Variants in WDR64 observed in about 807,000 individuals in gnomAD.
WDR64 encodes WD repeat domain 64, also known as WD repeat-containing protein 64.
A neutral mutation model predicts 139.3 loss-of-function variants in WDR64; 112 were observed. That is an observed-to-expected ratio of 0.80 (90% CI 0.69 to 0.94). The LOEUF is 0.94. Among genes scored for constraint, WDR64 ranks in the 40% least tolerant of loss-of-function variants. WDR64 has a pLI of 0.00. For missense variants in WDR64, 1,206 were observed against 1,293.1 expected, an observed-to-expected ratio of 0.93 and a Z score of 1.03; for synonymous variants, 444 against 437.7, an observed-to-expected ratio of 1.01 and a Z score of -0.18.
At chr1:241,686,556 T>C (rs1667012208) in intron 7 of WDR64, among the ~76,000 whole-genome samples, 1 of 152,224 alleles carries the variant, frequency 6.6e-6, no homozygotes, top group Admixed American at 6.5e-5. Flanking sequence ...AGGTGTTCAA[T>C]AGATGTGAAT....
chr1:241,756,842 A>G, intron 14 of WDR64, among the ~76,000 whole-genome samples: 1 of 152,226 alleles, frequency 6.6e-6, no homozygotes, highest in Non-Finnish European at 1.5e-5. Flanking sequence ...GGGAATGGAC[A>G]AATAAATTGT....
intron 3 of WDR64, among the ~76,000 whole-genome samples, chr1:241,673,078 A>C (rs1666297207): frequency 6.6e-6 from 1 of 152,022 alleles, no homozygotes; most frequent in Admixed American, 6.6e-5. Flanking sequence ...TCAGCAAACT[A>C]TCGCAAGGAC....
chr1:241,733,833 C>T (rs1313815717), intron 10 of WDR64, among the ~76,000 whole-genome samples: 1 of 151,976 alleles, frequency 6.6e-6, no homozygotes, highest in Non-Finnish European at 1.5e-5. Flanking sequence ...CATGTTCTGC[C>T]CTTTGTTTTC....
chr1:241,772,406 C>T (rs1312031231), intron 19 of WDR64, among the ~76,000 whole-genome samples: 1 of 140,646 alleles, frequency 7.1e-6, no homozygotes, highest in Non-Finnish European at 1.5e-5. Flanking sequence ...TTTTACATTC[C>T]ATAAAAATTT....
chr1:241,705,672 C>A (rs1178325705), intron 8 of WDR64, among the ~76,000 whole-genome samples: 17 of 152,054 alleles, frequency 1.1e-4, no homozygotes, highest in African/African-American at 4.1e-4. Flanking sequence ...ATTGCACCTT[C>A]GAGTTCCTGG....
At position 241,734,799 on chromosome 1, in the gene WDR64, C is replaced by T. The variant is rs933904292; in HGVS notation, c.1195-3564C>T. ...TGCTGCATAACCACGTTTCTGTCAA[C>T]GATGGACTGCATATATGATGGTGAT... On this transcript the variant is annotated intron_variant, in intron 10 of 27. Coordinates refer to ENST00000437684, the MANE Select transcript of WDR64 (RefSeq NM_001367482.1). 1.9e-4 allele frequency among the ~76,000 whole-genome samples: 29 copies of T among 152,108 alleles called. No individual in the cohort carries two copies. In the East Asian group the frequency reaches 1.9e-3, roughly 10 times the overall value.
intron 9 of WDR64, among the ~76,000 whole-genome samples, chr1:241,713,458 G>GAAA (rs1558486427): frequency 7.3e-6 from 1 of 136,108 alleles, no homozygotes; most frequent in East Asian, 2.2e-4. Context: ...AGGAAGGAAA[G>GAAA]GAAGGAAGGA....
intron 8 of WDR64, among the ~76,000 whole-genome samples, chr1:241,706,334 T>C (rs1353773552): frequency 6.6e-6 from 1 of 152,250 alleles, no homozygotes; most frequent in East Asian, 1.9e-4. Flanking sequence ...CTAATGGGAA[T>C]TGGCCCAAGA....
intron 8 of WDR64, among the ~76,000 whole-genome samples, chr1:241,695,576 G>A (rs1574015805): frequency 6.6e-6 from 1 of 152,096 alleles, no homozygotes; most frequent in Non-Finnish European, 1.5e-5. Context: ...TAAGAAAAGG[G>A]AGTAATAAAC....
chr1:241,694,327 C>T (rs1053034193), intron 8 of WDR64, among the ~76,000 whole-genome samples: 2 of 151,858 alleles, frequency 1.3e-5, no homozygotes, highest in East Asian at 1.9e-4. Context: ...TTAGAAAGGA[C>T]GAAATGTTTA....
intron 8 of WDR64, among the ~76,000 whole-genome samples, chr1:241,707,435 T>A (rs1396047210): frequency 6.6e-6 from 1 of 152,182 alleles, no homozygotes; most frequent in East Asian, 1.9e-4. Context: ...CTAATTTTTT[T>A]AGCAATCTTA....
chr1:241,689,408 C>A (rs1667128470), intron 8 of WDR64, among the ~76,000 whole-genome samples: 1 of 152,028 alleles, frequency 6.6e-6, no homozygotes, highest in Non-Finnish European at 1.5e-5. Context: ...ATATACTATG[C>A]TAAAACTTAT....
intron 9 of WDR64, among the ~76,000 whole-genome samples, chr1:241,712,711 G>C (rs1037676413): frequency 1.3e-5 from 2 of 152,152 alleles, no homozygotes; most frequent in Admixed American, 1.3e-4. Flanking sequence ...GGGCTCCATG[G>C]TTTACACCTG....
intron 15 of WDR64, among the ~76,000 whole-genome samples, chr1:241,761,007 C>G (rs756960199): frequency 2.0e-5 from 3 of 151,960 alleles, no homozygotes; most frequent in Non-Finnish European, 4.4e-5. Context: ...AAAGTAAATG[C>G]TAATACAATC....
intron 23 of WDR64, among the ~76,000 whole-genome samples, chr1:241,786,416 T>C (rs1659038182): frequency 6.6e-6 from 1 of 152,246 alleles, no homozygotes; most frequent in African/African-American, 2.4e-5. Flanking sequence ...TACTATTTTA[T>C]GTTCCCATAT....
At chr1:241,715,494 A>C (rs1668368472) in intron 9 of WDR64, among the ~76,000 whole-genome samples, 1 of 152,192 alleles carries the variant, frequency 6.6e-6, no homozygotes, top group African/African-American at 2.4e-5. Flanking sequence ...CCTTGGTGTG[A>C]GAGATAAAGC....
intron 10 of WDR64, among the ~76,000 whole-genome samples, chr1:241,725,021 A>C (rs1004103690): frequency 6.6e-6 from 1 of 152,174 alleles, no homozygotes; most frequent in Non-Finnish European, 1.5e-5. Context: ...ACAAAGTTAA[A>C]GGCAGACAGC....
intron 1 of WDR64, among the ~76,000 whole-genome samples, chr1:241,657,180 C>T (rs1052060793): frequency 3.3e-5 from 5 of 152,024 alleles, no homozygotes; most frequent in Admixed American, 6.5e-5. Flanking sequence ...GAGGCATAAA[C>T]GAGACTTTCC....
intron 22 of WDR64, among the ~76,000 whole-genome samples, chr1:241,782,564 G>A (rs1188170279): frequency 6.6e-6 from 1 of 152,182 alleles, no homozygotes; most frequent in Admixed American, 6.5e-5. Context: ...TGCAGAGCAA[G>A]CTCTCCACTT....
Sources: allele counts gnomAD v4.1 joint callset (sites outside exome capture counted in the v4.1 genomes callset), GRCh38; gene constraint gnomAD v4.1.1; transcripts MANE v1.5; gene names NCBI Gene and HGNC (gene_info 2026-07-23, HGNC 2026-07-21).